QRICH2: variants seen among roughly 807,000 people sequenced by gnomAD.
The protein encoded by QRICH2 is glutamine rich 2.
QRICH2 carries 119 observed loss-of-function variants against 168.3 expected under a neutral mutation model. The ratio of observed to expected loss-of-function variants is 0.71; its 90% CI spans 0.61 to 0.82. The LOEUF (loss-of-function observed/expected upper bound fraction) is 0.82, where lower values mean the gene tolerates loss of function less well. Among genes scored for constraint, QRICH2 ranks in the 40% least tolerant of loss-of-function variants. The pLI is 0.00. For missense variants in QRICH2, 2,241 were observed against 2,491.6 expected (o/e 0.90, Z 2.14); for synonymous variants, 894 against 951.2 (o/e 0.94, Z 1.11).
At chr17:76,306,514 C>T (rs569112721) in intron 1 of QRICH2, among the ~76,000 whole-genome samples, 1 of 152,200 alleles carries the variant, frequency 6.6e-6, no homozygotes, top group African/African-American at 2.4e-5. Context: ...CTGGCGCTGA[C>T]CTGCGTTGCT....
At position 76,292,777 on chromosome 17, in the gene QRICH2, C is replaced by T; in HGVS notation, c.1950G>A (p.Leu650=). Residue 650 remains leucine (L), a synonymous_variant, in exon 4 of 19, where the codon TTG becomes TTA. Coordinates refer to ENST00000680821, the MANE Select transcript of QRICH2 (RefSeq NM_001388453.1). ...CACCCTGACCTGTGCCAGATTGGACCAAATCATGCTGACCTGTGCCAGGCT... is the reference window on the plus strand; with the variant it reads ...CACCCTGACCTGTGCCAGATTGGACTAAATCATGCTGACCTGTGCCAGGCT... ...LIQPGTGQHD[L]VQSGTGQGVL... 1 of 1,613,372 alleles carries T rather than the reference C, an allele frequency of 6.2e-7. No homozygotes were observed. The highest frequency in any genetic ancestry group is 8.5e-7 in the Non-Finnish European group (1 of 1,179,912).
chr17:76,307,777 G>A lies in QRICH2; in HGVS notation c.222C>T (p.Pro74=), dbSNP rs2071014306. Residue 74 remains proline, a synonymous_variant, in exon 1 of 19, where the codon CCC becomes CCT. Transcript: ENST00000680821. This position sits in a 1 kb window ranked among gnomAD's most constrained non-coding sequence, Gnocchi z 5.3. ...VRSSFSIPHL[P]APKEVPKGAP... ...CCCCCTTGGGCACCTCCTTGGGCGC[G>A]GGCAGGTGCGGGATGCTGAACGAGC... is the stretch of plus-strand genomic sequence containing the variant. 2.9e-6 allele frequency: 4 copies of A among 1,384,340 alleles called. No homozygotes were observed. The highest frequency in any genetic ancestry group is 3.4e-5 in the South Asian group (2 of 59,054). The allele number at this position is 1,384,340 out of a possible 1,614,324, so 85.8% of individuals were successfully genotyped here.
In QRICH2 at chr17:76,287,294, A is replaced by G. The variant is rs1455000533; in HGVS notation, c.3909T>C (p.Ala1303=). The G allele has an allele frequency of 6.2e-7, 1 of 1,613,320 alleles. No individual in the cohort carries two copies. Among genetic ancestry groups the G allele is most frequent in the East Asian group, 2.2e-5 (1 of 44,882 alleles). Residue 1303 remains alanine, a synonymous_variant, in exon 7 of 19, where the codon GCT becomes GCC. Transcript: ENST00000680821. ...LQLGVLRVTV[A]DIEKELAELR... ...ACTCGGCCAGCTCCTTTTCTATGTC[A>G]GCCACGGTGACTCTGTGGTGCACGA...
chr17:76,286,868 T>G (rs1441067705), intron 7 of QRICH2, among the ~76,000 whole-genome samples: 4 of 129,398 alleles, frequency 3.1e-5, no homozygotes, highest in Non-Finnish European at 6.4e-5. Flanking sequence ...AGAGCGAAAT[T>G]CCATCTCAAA....
chr17:76,281,165 T>C lies in QRICH2; in HGVS notation c.4264-212A>G, dbSNP rs531718957. Among the ~76,000 whole-genome samples the C allele has an allele frequency of 6.6e-6, 1 of 152,196 alleles. No homozygotes were observed. Among genetic ancestry groups the C allele is most frequent in the East Asian group, 1.9e-4 (1 of 5,182 alleles). On this transcript the variant is annotated intron_variant, in intron 8 of 18. Transcript: ENST00000680821. The surrounding 1 kb of genome is among the most constrained non-coding windows in gnomAD (Gnocchi z 4.4). ...GAGTTCAAGAACAGCCTGGGCAACA[T>C]AGGGAGACCCTGTCTCAAAAACAAT...
At chr17:76,297,935 G>C (rs1322840561) in intron 3 of QRICH2, among the ~76,000 whole-genome samples, 1 of 139,054 alleles carries the variant, frequency 7.2e-6, no homozygotes. Context: ...CTGGAGTGCA[G>C]TGGCACAATC....
At chr17:76,306,184 A>C (rs934743565) in intron 1 of QRICH2, among the ~76,000 whole-genome samples, 5 of 151,280 alleles carry the variant, frequency 3.3e-5, no homozygotes, top group Non-Finnish European at 7.4e-5. Flanking sequence ...AAAAAAAAAA[A>C]AAAAAAAAAC....
In QRICH2 at chr17:76,293,334, G is replaced by C. The variant is rs2071047535; in HGVS notation, c.1393C>G (p.Leu465Val). The C allele has an allele frequency of 1.2e-6, 2 of 1,614,178 alleles. No homozygotes were observed. Among genetic ancestry groups the C allele is most frequent in the Non-Finnish European group, 8.5e-7 (1 of 1,180,048 alleles). Reference sequence around the variant, plus strand: ...TGCTGATATGCACTGACTGAAACCAGACCATGTTGGTCTGTGCTAGGTAGT... The same window carrying C: ...TGCTGATATGCACTGACTGAAACCACACCATGTTGGTCTGTGCTAGGTAGT... The part of the protein sequence containing the change: ...LELPSTDQHG[L>V]VSVSAYQHGM... The change falls in exon 4 of 19, where the codon CTG becomes GTG. Residue 465 changes from leucine to valine, a missense_variant. By Grantham distance (32) the Leu-to-Val change is conservative (BLOSUM62 1). Coordinates refer to ENST00000680821, the MANE Select transcript of QRICH2 (RefSeq NM_001388453.1).
intron 7 of QRICH2, among the ~76,000 whole-genome samples, chr17:76,283,291 C>A (rs1424739022): frequency 1.3e-5 from 2 of 152,214 alleles, no homozygotes; most frequent in Non-Finnish European, 2.9e-5. Context: ...GTGTAAAGAA[C>A]AGCAGGAAAG....
chr17:76,281,902 C>T lies in QRICH2; in HGVS notation c.4225G>A (p.Val1409Ile), dbSNP rs147155048. 5.1e-3 allele frequency: 8,222 copies of T among 1,613,690 alleles called. 28 individuals carry two copies. Among genetic ancestry groups the T allele is most frequent in the Non-Finnish European group, 6.4e-3 (7,518 of 1,180,000 alleles). The change falls in exon 8 of 19, where the codon GTC (valine) becomes ATC (isoleucine). Residue 1409 changes from valine (V) to isoleucine (I), a missense_variant. Val to Ile is a conservative substitution (Grantham distance 29). Around this residue, in one of 3 missense-constraint regions of QRICH2, gnomAD observed 2,047 missense variants for 2,303.8 expected, o/e 0.89. Coordinates refer to ENST00000680821, the MANE Select transcript of QRICH2 (RefSeq NM_001388453.1). The surrounding 1 kb of genome is among the most constrained non-coding windows in gnomAD (Gnocchi z 4.4). ...QLQDMVNSLA[V>I]SRPSKKAKLQ... is the part of the protein sequence containing the mutation. Reference sequence around the variant, plus strand: ...TTGGCCTTCTTGGAGGGTCGGGAGACGGCCAGGCTGTTGACCATGTCTTGG... The same window carrying T: ...TTGGCCTTCTTGGAGGGTCGGGAGATGGCCAGGCTGTTGACCATGTCTTGG...
At chr17:76,302,330 T>A (rs1179718026) in intron 3 of QRICH2, among the ~76,000 whole-genome samples, 1 of 121,416 alleles carries the variant, frequency 8.2e-6, no homozygotes, top group Non-Finnish European at 1.6e-5. Context: ...GTAGCTGTCA[T>A]GTCCATTTGT....
In QRICH2 at chr17:76,274,252, G is replaced by A. The variant is rs552106910; in HGVS notation, c.5491C>T (p.Arg1831Cys). The change falls in exon 19 of 19, where the codon CGT becomes TGT. Residue 1831 changes from arginine to cysteine, a missense_variant. Arg to Cys is a radical substitution (Grantham distance 180, BLOSUM62 -3). Coordinates refer to ENST00000680821, the MANE Select transcript of QRICH2 (RefSeq NM_001388453.1). ...GAGGAAGGTCTATCTTTCTGTTGAC[G>A]AGAAGAAACTGTAAGACAGGGGTGC... ...ISAGNTSVSSRQQKDRPSSEG... is the reference protein window; with the variant it reads ...ISAGNTSVSSCQQKDRPSSEG... 407 of 1,589,782 alleles carry A rather than the reference G, an allele frequency of 2.6e-4. 14 individuals carry two copies. In the South Asian group the frequency reaches 4.4e-3, roughly 17 times the overall value.
In QRICH2 at chr17:76,280,053, GTC is replaced by G; in HGVS notation, c.4726_4727del (p.Asp1576ArgfsTer19). ...LRERPPLYQA[D>X]EAAAMRRQLL... ...CTCACCTCCGCATGGCAGCCGCCTC[GTC>G]TGCCTGGTAGAGTGGGGGGCGCTCC... is the stretch of plus-strand genomic sequence containing the variant. On this transcript the variant is annotated frameshift_variant, in exon 12 of 19. Coordinates refer to ENST00000680821, the MANE Select transcript of QRICH2 (RefSeq NM_001388453.1). LOFTEE classifies it high-confidence loss of function. The surrounding 1 kb of genome is among the most constrained non-coding windows in gnomAD (Gnocchi z 7.4). 4 of 1,612,856 alleles carry G rather than the reference GTC, an allele frequency of 2.5e-6. No homozygotes were observed. The highest frequency in any genetic ancestry group is 3.4e-6 in the Non-Finnish European group (4 of 1,179,624).
At chr17:76,310,134 C>CATAAGACACGATCCCTGGCCT (rs2071054909), upstream of QRICH2, 1 of 151,828 alleles carries the variant, frequency 6.6e-6, no homozygotes, top group African/African-American at 2.4e-5. Context: ...GGATTACAGG[C>CATAAGACACGATCCCTGGCCT]GTGCACCCCC....
chr17:76,282,262 G>A, intron 7 of QRICH2, 147 bp from the exon 8 acceptor site: 3 of 927,946 alleles, frequency 3.2e-6, no homozygotes, highest in Admixed American at 2.8e-5. Flanking sequence ...CAGAGCATGT[G>A]CCATCATGGG....
Position 76,291,044 on chromosome 17 carries a change from T to C in QRICH2, c.3683A>G (p.Glu1228Gly), listed in dbSNP as rs146906968. The C allele has an allele frequency of 6.2e-7, 1 of 1,613,696 alleles. No homozygotes were observed. The highest frequency in any genetic ancestry group is 1.3e-5 in the African/African-American group (1 of 74,898). The change falls in exon 4 of 19, where the codon GAG becomes GGG. Residue 1228 changes from glutamate to glycine, a missense_variant. Around this residue, in one of 3 missense-constraint regions of QRICH2, gnomAD observed 2,047 missense variants for 2,303.8 expected, o/e 0.89. Transcript: ENST00000680821. ...DEEQAGQTDLEKIQFLLAQMV... is the reference protein window; with the variant it reads ...DEEQAGQTDLGKIQFLLAQMV... ...CTGTGCCAGCAGGAACTGGATCTTC[T>C]CCAAGTCGGTTTGGCCGGCCTGCTC...
chr17:76,293,603 C>G lies in QRICH2; in HGVS notation c.1124G>C (p.Ser375Thr), dbSNP rs1185344718. 4 of 1,614,076 alleles carry G rather than the reference C, an allele frequency of 2.5e-6. No homozygotes were observed. Among genetic ancestry groups the G allele is most frequent in the Admixed American group, 1.7e-5 (1 of 59,980 alleles). The change falls in exon 4 of 19, where the codon AGT (serine) becomes ACT (threonine). Residue 375 changes from serine (S) to threonine (T), a missense_variant. Ser to Thr is a moderately conservative substitution (Grantham distance 58, BLOSUM62 1). Around this residue, in one of 3 missense-constraint regions of QRICH2, gnomAD observed 2,047 missense variants for 2,303.8 expected, o/e 0.89. Coordinates refer to ENST00000680821, the MANE Select transcript of QRICH2 (RefSeq NM_001388453.1). ...DLPLARDQPS[S>T]VPASQSQVHL... ...GACCTGACTCTGGCTAGCGGGCACACTACTGGGCTGGTCTCTGGCCAAGGG... is the reference window on the plus strand; with the variant it reads ...GACCTGACTCTGGCTAGCGGGCACAGTACTGGGCTGGTCTCTGGCCAAGGG...
intron 3 of QRICH2, among the ~76,000 whole-genome samples, chr17:76,299,596 G>T (rs535874978): frequency 6.6e-6 from 1 of 151,980 alleles, no homozygotes; most frequent in South Asian, 2.1e-4. Flanking sequence ...AATTAGCTGG[G>T]CGTGATGGTG....
At chr17:76,308,464 C>A (rs2071024718), upstream of QRICH2, 1 of 985,272 alleles carries the variant, frequency 1.0e-6, no homozygotes, top group Non-Finnish European at 1.2e-6. Flanking sequence ...GGCCAGGATT[C>A]ACTCACTCTT....
Sources: gnomAD v4.1 joint callset for allele counts (sites outside exome capture counted in the v4.1 genomes callset) on GRCh38, gnomAD v4.1.1 for gene constraint, gnomAD v4.1.1 regional missense constraint, Gnocchi (gnomAD v3.1) non-coding constraint, MANE v1.5 for transcripts, NCBI Gene and HGNC (gene_info 2026-07-23, HGNC 2026-07-21) for gene names.